Variants in SPIDR observed in about 807,000 individuals in gnomAD.
SPIDR encodes the protein scaffold protein involved in DNA repair.
SPIDR carries 93 observed loss-of-function variants against 104.6 expected under a neutral mutation model. The observed-to-expected ratio is 0.89, with a 90% CI of 0.75 to 1.06. SPIDR has a LOEUF of 1.06. SPIDR is among the 50% of genes least tolerant of loss of function. The pLI is 0.00. For missense variants in SPIDR, 1,154 were observed against 1,111.2 expected, an observed-to-expected ratio of 1.04 and a Z score of -0.55; for synonymous variants, 431 against 416.9, an observed-to-expected ratio of 1.03 and a Z score of -0.41.
At chr8:47,644,673 C>G (rs1300516323) in intron 10 of SPIDR, among the ~76,000 whole-genome samples, 2 of 152,110 alleles carry the variant, frequency 1.3e-5, no homozygotes, top group African/African-American at 4.8e-5. Context: ...AGATAATACT[C>G]AAAAAGCACT....
At chr8:47,505,006 G>A (rs181526033) in intron 8 of SPIDR, among the ~76,000 whole-genome samples, 353 of 152,256 alleles carry the variant, frequency 2.3e-3, no homozygotes, top group African/African-American at 7.7e-3. Context: ...TTGTCTCAGC[G>A]GAGTACCCGG....
At chr8:47,696,629 T>C (rs1296701160) in intron 11 of SPIDR, among the ~76,000 whole-genome samples, 1 of 152,230 alleles carries the variant, frequency 6.6e-6, no homozygotes, top group African/African-American at 2.4e-5. Context: ...AAGGCACTTA[T>C]CACAGATGGC....
At position 47,321,318 on chromosome 8, in the gene SPIDR, A is replaced by G. The variant is rs544844723; in HGVS notation, c.525+27288A>G. 8.1e-4 allele frequency among the ~76,000 whole-genome samples: 124 copies of G among 152,352 alleles called. 1 individual carries two copies. Among genetic ancestry groups the G allele is most frequent in the Non-Finnish European group, 1.5e-3 (104 of 68,038 alleles). On this transcript the variant is annotated intron_variant, in intron 5 of 19. Transcript: ENST00000297423. ...ACCAATAACAGAGAAAGAGAGAGCCAAATTATGAGTGAACTCCCATTCACA... is the reference window on the plus strand; with the variant it reads ...ACCAATAACAGAGAAAGAGAGAGCCGAATTATGAGTGAACTCCCATTCACA...
chr8:47,540,796 A>G (rs1238394510), intron 8 of SPIDR, among the ~76,000 whole-genome samples: 1 of 152,206 alleles, frequency 6.6e-6, no homozygotes, highest in Non-Finnish European at 1.5e-5. Flanking sequence ...TTCATGAAAT[A>G]ACTATTAAGT....
chr8:47,514,486 A>G (rs966024213), intron 8 of SPIDR, among the ~76,000 whole-genome samples: 6 of 152,174 alleles, frequency 3.9e-5, no homozygotes, highest in African/African-American at 1.4e-4. Flanking sequence ...GGATGTGTCT[A>G]CAGAAATATG....
intron 8 of SPIDR, among the ~76,000 whole-genome samples, chr8:47,583,002 T>C (rs2059886637): frequency 6.6e-6 from 1 of 152,108 alleles, no homozygotes. Context: ...TTTATTTGTG[T>C]GTGTAACTCT....
intron 7 of SPIDR, among the ~76,000 whole-genome samples, chr8:47,414,176 T>G (rs1273370163): frequency 2.0e-5 from 3 of 152,176 alleles, no homozygotes; most frequent in African/African-American, 7.2e-5. Context: ...GCAGATTGTC[T>G]TCTTAATTAT....
intron 8 of SPIDR, among the ~76,000 whole-genome samples, chr8:47,535,738 G>C (rs1327294060): frequency 6.6e-6 from 1 of 152,208 alleles, no homozygotes; most frequent in African/African-American, 2.4e-5. Context: ...TCCTCAACTT[G>C]TTAAAGAACC....
At chr8:47,531,530 TG>T (rs1356903408) in intron 8 of SPIDR, among the ~76,000 whole-genome samples, 1 of 152,262 alleles carries the variant, frequency 6.6e-6, no homozygotes, top group African/African-American at 2.4e-5. Context: ...TCAACATTAA[TG>T]AAAACCTTTT....
intron 6 of SPIDR, among the ~76,000 whole-genome samples, chr8:47,400,743 T>C (rs1013423035): frequency 5.9e-5 from 9 of 151,684 alleles, no homozygotes; most frequent in Non-Finnish European, 1.3e-4. Context: ...CAATGCAAAA[T>C]TGTTAGATAT....
At chr8:47,313,319 A>C (rs1348594105) in intron 5 of SPIDR, among the ~76,000 whole-genome samples, 1 of 152,202 alleles carries the variant, frequency 6.6e-6, no homozygotes, top group Non-Finnish European at 1.5e-5. Context: ...CAATTGCTTC[A>C]AAGAGAATAA....
intron 5 of SPIDR, among the ~76,000 whole-genome samples, chr8:47,359,777 A>G (rs2055357929): frequency 6.6e-6 from 1 of 152,182 alleles, no homozygotes; most frequent in Admixed American, 6.5e-5. Context: ...AGTGGTTTTC[A>G]TTTTGGAATG....
At chr8:47,518,840 T>C (rs1289284634) in intron 8 of SPIDR, among the ~76,000 whole-genome samples, 1 of 152,088 alleles carries the variant, frequency 6.6e-6, no homozygotes, top group East Asian at 1.9e-4. Flanking sequence ...TTTCACTGTG[T>C]TAGCCAGGAT....
chr8:47,446,747 T>C (rs1554702075), intron 8 of SPIDR, among the ~76,000 whole-genome samples: 1 of 151,844 alleles, frequency 6.6e-6, no homozygotes, highest in Non-Finnish European at 1.5e-5. Flanking sequence ...CCACCACGCC[T>C]GGCTAATTTT....
At chr8:47,494,229 C>T (rs2079122097) in intron 8 of SPIDR, among the ~76,000 whole-genome samples, 1 of 152,012 alleles carries the variant, frequency 6.6e-6, no homozygotes, top group Admixed American at 6.6e-5. Flanking sequence ...CTCAAGTAAT[C>T]CTCCTGCCTC....
intron 8 of SPIDR, chr8:47,547,029 T>G: frequency 2.0e-6 from 1 of 501,038 alleles, no homozygotes; most frequent in Non-Finnish European, 3.9e-6. Context: ...TCTTCCCAAG[T>G]TAGCACCTCC....
At chr8:47,654,151 T>C in intron 10 of SPIDR, 1 of 1,289,774 alleles carries the variant, frequency 7.8e-7, no homozygotes, top group Non-Finnish European at 1.0e-6. Flanking sequence ...TCTGGCCAGG[T>C]GAGTGACATG....
intron 1 of SPIDR, among the ~76,000 whole-genome samples, chr8:47,266,251 C>A (rs542942253): frequency 6.6e-6 from 1 of 152,040 alleles, no homozygotes; most frequent in South Asian, 2.1e-4. Context: ...CTGCGTCAGC[C>A]TCCCAAGTAG....
At chr8:47,297,077 C>G (rs2040982939) in intron 5 of SPIDR, among the ~76,000 whole-genome samples, 1 of 152,166 alleles carries the variant, frequency 6.6e-6, no homozygotes, top group African/African-American at 2.4e-5. Context: ...TATCCTGCAA[C>G]TTTACTGAAT....
Sources: gnomAD v4.1 joint callset for allele counts (sites outside exome capture counted in the v4.1 genomes callset) on GRCh38, gnomAD v4.1.1 for gene constraint, MANE v1.5 for transcripts, NCBI Gene and HGNC (gene_info 2026-07-23, HGNC 2026-07-21) for gene names.